POU6F2: variants seen among roughly 807,000 people sequenced by gnomAD.
The protein encoded by POU6F2 is POU class 6 homeobox 2.
POU6F2 carries 31 observed loss-of-function variants against 71.3 expected under a neutral mutation model. The ratio of observed to expected loss-of-function variants is 0.43; its 90% CI spans 0.33 to 0.59. The LOEUF (loss-of-function observed/expected upper bound fraction) is 0.59. Among genes scored for constraint, POU6F2 ranks in the 20% least tolerant of loss-of-function variants. The pLI is 0.04. For synonymous variants in POU6F2, 347 were observed against 355.7 expected (o/e 0.98, Z 0.27); for missense variants, 783 against 856.8 (o/e 0.91, Z 1.07).
intron 4 of POU6F2, among the ~76,000 whole-genome samples, chr7:39,244,643 C>T (rs544268582): frequency 3.9e-5 from 6 of 152,226 alleles, no homozygotes; most frequent in East Asian, 1.9e-4. Flanking sequence ...CTCACACACA[C>T]GCATTTCATA....
intron 7 of POU6F2, among the ~76,000 whole-genome samples, chr7:39,436,658 T>C (rs1788251930): frequency 6.6e-6 from 1 of 152,314 alleles, no homozygotes; most frequent in South Asian, 2.1e-4. Context: ...TCCAATACTA[T>C]GTTGAATAGG....
intron 1 of POU6F2, among the ~76,000 whole-genome samples, chr7:39,008,670 T>C (rs1789163598): frequency 6.7e-6 from 1 of 150,368 alleles, no homozygotes; most frequent in Non-Finnish European, 1.5e-5. Context: ...AACGTTTAAG[T>C]CTTTAATCCA....
intron 2 of POU6F2, among the ~76,000 whole-genome samples, chr7:39,107,197 A>T (rs527656967): frequency 6.6e-6 from 1 of 151,932 alleles, no homozygotes; most frequent in Non-Finnish European, 1.5e-5. Flanking sequence ...GGCATGTGCC[A>T]CTGTGCTTGG....
intron 6 of POU6F2, among the ~76,000 whole-genome samples, chr7:39,418,974 T>C (rs1444673302): frequency 1.7e-5 from 2 of 119,464 alleles, no homozygotes; most frequent in African/African-American, 3.5e-5. Flanking sequence ...TGTGTATATA[T>C]GTATATATAT....
intron 4 of POU6F2, among the ~76,000 whole-genome samples, chr7:39,244,201 T>A (rs575295230): frequency 6.6e-6 from 1 of 152,306 alleles, no homozygotes; most frequent in Non-Finnish European, 1.5e-5. Flanking sequence ...TTTCAAGTAC[T>A]GTCATTAACT....
intron 2 of POU6F2, among the ~76,000 whole-genome samples, chr7:39,089,031 T>C (rs1791311875): frequency 6.6e-6 from 1 of 152,200 alleles, no homozygotes; most frequent in South Asian, 2.1e-4. Flanking sequence ...AATGTTTCAG[T>C]GCTCTGAGCA....
At chr7:39,146,221 T>C (rs1354621085) in intron 2 of POU6F2, among the ~76,000 whole-genome samples, 1 of 152,198 alleles carries the variant, frequency 6.6e-6, no homozygotes, top group Non-Finnish European at 1.5e-5. Flanking sequence ...GAACTGCTTT[T>C]GGAGGGTGGG....
intron 1 of POU6F2, among the ~76,000 whole-genome samples, chr7:39,077,466 G>A (rs762049953): frequency 3.9e-5 from 6 of 152,168 alleles, no homozygotes; most frequent in Non-Finnish European, 8.8e-5. Flanking sequence ...ATTGATGAGC[G>A]GTTTGGCTTA....
intron 4 of POU6F2, among the ~76,000 whole-genome samples, chr7:39,277,794 C>T (rs1784477841): frequency 6.6e-6 from 1 of 152,072 alleles, no homozygotes; most frequent in Admixed American, 6.5e-5. Flanking sequence ...AGCGGTGGCT[C>T]ACACCTGTAA....
chr7:39,012,574 T>C (rs368804705), intron 1 of POU6F2, among the ~76,000 whole-genome samples: 1,683 of 151,936 alleles, frequency 0.011, 25 homozygotes, highest in Admixed American at 0.04. Context: ...TGAGGAACTG[T>C]GTTCCTTTAG....
In POU6F2 at chr7:39,122,704, A is replaced by ATT. The variant is rs1199309217; in HGVS notation, c.277+36692_277+36693dup. ...GGGGAGGTCATAAATATGCATGCCT[A>ATT]TTTTTTTTTTTTTTTTTTTTGGAGA... On this transcript the variant is annotated intron_variant, in intron 2 of 9. Transcript: ENST00000518318. 3.5e-3 allele frequency among the ~76,000 whole-genome samples: 414 copies of ATT among 117,118 alleles called. 4 individuals carry two copies. The highest frequency in any genetic ancestry group is 0.014 in the Middle Eastern group (3 of 216). The allele number at this position is 117,118 out of a possible 152,430, so 76.8% of individuals were successfully genotyped here.
intron 1 of POU6F2, among the ~76,000 whole-genome samples, chr7:39,079,911 TG>T (rs1230996751): frequency 6.6e-6 from 1 of 152,148 alleles, no homozygotes; most frequent in Non-Finnish European, 1.5e-5. Context: ...GCCAGAAATG[TG>T]GGATTTTCCA....
At chr7:39,411,352 G>A (rs1045126104) in intron 6 of POU6F2, among the ~76,000 whole-genome samples, 1 of 152,164 alleles carries the variant, frequency 6.6e-6, no homozygotes, top group African/African-American at 2.4e-5. Flanking sequence ...CCTTATTGGC[G>A]TTATTGCAGA....
intron 2 of POU6F2, among the ~76,000 whole-genome samples, chr7:39,155,354 T>C (rs1264614119): frequency 6.6e-6 from 1 of 151,576 alleles, no homozygotes; most frequent in Non-Finnish European, 1.5e-5. Flanking sequence ...GAGGGTGAGA[T>C]GGAAAGGGTA....
rs924407726 is a variant in POU6F2, at chr7:39,150,620, C to T, written c.278-53615C>T. On this transcript the variant is annotated intron_variant, in intron 2 of 9. Coordinates refer to ENST00000518318, the MANE Select transcript of POU6F2 (RefSeq NM_001370959.1). Reference sequence around the variant, plus strand: ...TAGCTGGGATTACAGGCGCCCACCACCATGCCTGGCTTATTTTTTGTATTT... The same window carrying T: ...TAGCTGGGATTACAGGCGCCCACCATCATGCCTGGCTTATTTTTTGTATTT... Among the ~76,000 whole-genome samples the T allele has an allele frequency of 2.6e-5, 4 of 151,876 alleles. No homozygotes were observed. The East Asian group carries it at 7.8e-4, about 29-fold the overall frequency.
At chr7:39,029,997 G>A (rs1220365415) in intron 1 of POU6F2, among the ~76,000 whole-genome samples, 1 of 151,968 alleles carries the variant, frequency 6.6e-6, no homozygotes, top group Non-Finnish European at 1.5e-5. Context: ...AGTATCTTTT[G>A]TCCTATGTCC....
chr7:39,464,652 A>G lies in POU6F2; in HGVS notation c.2129A>G (p.Glu710Gly). 5.0e-6 allele frequency: 8 copies of G among 1,607,174 alleles called. No homozygotes were observed. Among genetic ancestry groups the G allele is most frequent in the South Asian group, 1.1e-5 (1 of 89,456 alleles). The stretch of plus-strand genomic sequence containing the variant: ...GAGCCGGCCACGGCAGTCCCTTTGG[A>G]GCCCTTAACAGACTCTCTGGAAGAA... ...QHEPATAVPL[E>G]PLTDSLEENS The change falls in exon 10 of 10, where the codon GAG (glutamate) becomes GGG (glycine). Residue 710 changes from glutamate to glycine, a missense_variant. Glu to Gly is a moderately conservative substitution (Grantham distance 98). This residue lies in a region of POU6F2 where 211 missense variants were observed against 283.9 expected (regional missense o/e 0.74). Coordinates refer to ENST00000518318, the MANE Select transcript of POU6F2 (RefSeq NM_001370959.1). The surrounding 1 kb of genome is among the most constrained non-coding windows in gnomAD (Gnocchi z 4.1).
chr7:39,294,751 A>G (rs768886971), intron 4 of POU6F2, among the ~76,000 whole-genome samples: 34 of 152,236 alleles, frequency 2.2e-4, no homozygotes, highest in South Asian at 8.3e-4. Flanking sequence ...TGCCACTCCC[A>G]GCAGGGGTGG....
At chr7:39,251,377 GT>G (rs1361289008) in intron 4 of POU6F2, among the ~76,000 whole-genome samples, 1 of 152,146 alleles carries the variant, frequency 6.6e-6, no homozygotes, top group Non-Finnish European at 1.5e-5. Context: ...TCTGAAATGA[GT>G]TTTGGCCAAA....
Sources: gnomAD v4.1 joint callset for allele counts (sites outside exome capture counted in the v4.1 genomes callset) on GRCh38, gnomAD v4.1.1 for gene constraint, gnomAD v4.1.1 regional missense constraint, Gnocchi (gnomAD v3.1) non-coding constraint, MANE v1.5 for transcripts, NCBI Gene and HGNC (gene_info 2026-07-23, HGNC 2026-07-21) for gene names.